AMD1: variants seen among roughly 807,000 people sequenced by gnomAD.
AMD1 encodes adenosylmethionine decarboxylase 1.
Under a neutral mutation model 40.2 loss-of-function variants are expected in AMD1, and 11 were observed. The observed-to-expected ratio is 0.27, with a 90% confidence interval of 0.17 to 0.45. The LOEUF (loss-of-function observed/expected upper bound fraction) is 0.45, where lower values mean the gene tolerates loss of function less well. Ranked by LOEUF, AMD1 falls within the 20% of genes least tolerant of loss-of-function variation. AMD1 has a pLI of 1.00. For missense variants in AMD1, 257 were observed against 410.2 expected (o/e 0.63, Z 3.23); for synonymous variants, 121 against 130.8 (o/e 0.93, Z 0.51).
intron 1 of AMD1, among the ~76,000 whole-genome samples, chr6:110,876,042 C>T (rs2115269125): frequency 6.6e-6 from 1 of 152,326 alleles, no homozygotes; most frequent in East Asian, 1.9e-4. Flanking sequence ...GAGGGAGGCC[C>T]GCCTGCCCCA....
chr6:110,883,178 C>T (rs925292475), intron 1 of AMD1, among the ~76,000 whole-genome samples: 2 of 152,212 alleles, frequency 1.3e-5, no homozygotes, highest in African/African-American at 2.4e-5. Flanking sequence ...ACTGTCTTCT[C>T]TTATTAAAAT....
the AMD1 span, among the ~76,000 whole-genome samples, chr6:110,824,448 T>G: frequency 6.6e-6 from 1 of 152,178 alleles, no homozygotes; most frequent in Non-Finnish European, 1.5e-5. Flanking sequence ...GATTAAGAGA[T>G]AAAAAATGAC....
At chr6:110,862,330 GTTT>G in the AMD1 span, among the ~76,000 whole-genome samples, 1 of 102,810 alleles carries the variant, frequency 9.7e-6, no homozygotes, top group Admixed American at 9.4e-5. Flanking sequence ...TGATTGTTCT[GTTT>G]TTTTTTTTTT....
chr6:110,865,815 T>C, the AMD1 span, among the ~76,000 whole-genome samples: 3 of 151,632 alleles, frequency 2.0e-5, no homozygotes, highest in African/African-American at 4.8e-5. Flanking sequence ...CAGGCTAGAG[T>C]GCAGTGGTGC....
chr6:110,841,155 A>G, the AMD1 span, among the ~76,000 whole-genome samples: 1 of 152,232 alleles, frequency 6.6e-6, no homozygotes, highest in Non-Finnish European at 1.5e-5. Flanking sequence ...CTGGGATTAC[A>G]GGCATCTGCC....
chr6:110,866,818 T>C, the AMD1 span, among the ~76,000 whole-genome samples: 1 of 143,626 alleles, frequency 7.0e-6, no homozygotes, highest in East Asian at 2.0e-4. Flanking sequence ...CAACACTTTC[T>C]TTTTTTTTTT....
At chr6:110,837,423 A>G in the AMD1 span, among the ~76,000 whole-genome samples, 1 of 151,726 alleles carries the variant, frequency 6.6e-6, no homozygotes, top group African/African-American at 2.4e-5. Context: ...TACATAAAAT[A>G]TTCTTGGATG....
the AMD1 span, among the ~76,000 whole-genome samples, chr6:110,816,401 C>T: frequency 6.6e-6 from 1 of 152,220 alleles, no homozygotes; most frequent in Non-Finnish European, 1.5e-5. Flanking sequence ...GCTCAGGACA[C>T]ACTACCCCAA....
the AMD1 span, among the ~76,000 whole-genome samples, chr6:110,822,795 G>A: frequency 6.6e-6 from 1 of 152,144 alleles, no homozygotes; most frequent in African/African-American, 2.4e-5. Flanking sequence ...GTCAATAGAT[G>A]TGATTCACCA....
chr6:110,862,668 C>T, the AMD1 span, among the ~76,000 whole-genome samples: 17 of 151,764 alleles, frequency 1.1e-4, no homozygotes, highest in Non-Finnish European at 1.9e-4. Context: ...TGAGGTTTCA[C>T]CAAGTTGGCC....
the AMD1 span, among the ~76,000 whole-genome samples, chr6:110,843,919 T>C: frequency 2.6e-5 from 4 of 152,178 alleles, no homozygotes; most frequent in Admixed American, 1.3e-4. Context: ...TTTGGGATTA[T>C]ATTGGGCCTC....
chr6:110,814,875 C>G, the AMD1 span: 12 of 1,221,420 alleles, frequency 9.8e-6, no homozygotes, highest in Admixed American at 1.8e-4. Context: ...GAGTCGGTGT[C>G]CGGACGCAAC....
the AMD1 span, chr6:110,863,781 A>G: frequency 1.8e-3 from 545 of 295,892 alleles, 2 homozygotes; most frequent in African/African-American, 0.011. Flanking sequence ...TTCCCATAAC[A>G]CTTGACTTAA....
At chr6:110,868,370 T>C in the AMD1 span, among the ~76,000 whole-genome samples, 18 of 152,030 alleles carry the variant, frequency 1.2e-4, no homozygotes, top group Non-Finnish European at 2.5e-4. Context: ...AGAGTGGTCT[T>C]GATCTCCTGA....
intron 3 of AMD1, 99 bp downstream of exon 3, chr6:110,889,082 T>G (rs1443734619): frequency 3.5e-6 from 5 of 1,419,120 alleles, no homozygotes; most frequent in Non-Finnish European, 4.7e-6. Context: ...ACTGCCTTTG[T>G]TACAATGCAT....
At chr6:110,859,372 G>A in the AMD1 span, among the ~76,000 whole-genome samples, 1 of 152,018 alleles carries the variant, frequency 6.6e-6, no homozygotes, top group Non-Finnish European at 1.5e-5. Context: ...ATCCCCATAC[G>A]TGTAGGGTAA....
In AMD1 at chr6:110,892,330, C is replaced by T. The variant is rs1786070826; in HGVS notation, c.502C>T (p.Arg168Trp). ...YLYTLDFPES[R>W]VISQPDQTLE... ...ATATACTCTGGATTTCCCAGAGAGT[C>T]GGGTAATCAGTCAGCCAGATCAAAC... is the stretch of plus-strand genomic sequence containing the variant. The change falls in exon 6 of 9, where the codon CGG (arginine) becomes TGG (tryptophan). Residue 168 changes from arginine (R) to tryptophan (W), a missense_variant. By Grantham distance (101) the Arg-to-Trp change is moderately radical. Coordinates refer to ENST00000368885, the MANE Select transcript of AMD1 (RefSeq NM_001634.6). The T allele has an allele frequency of 3.7e-6, 6 of 1,613,546 alleles. No homozygotes were observed. Among genetic ancestry groups the T allele is most frequent in the Non-Finnish European group, 5.1e-6 (6 of 1,180,018 alleles).
At chr6:110,819,080 G>A in the AMD1 span, among the ~76,000 whole-genome samples, 6 of 152,258 alleles carry the variant, frequency 3.9e-5, no homozygotes, top group Middle Eastern at 3.4e-3. Flanking sequence ...GATCTGGGCC[G>A]GGTGCAGTGG....
rs1785013067 is a variant in AMD1 at position 110,874,876 on chromosome 6, G to T, written c.-230G>T. 2 of 531,276 alleles carry T rather than the reference G, an allele frequency of 3.8e-6. No homozygotes were observed. Among genetic ancestry groups the T allele is most frequent in the Admixed American group, 3.2e-5 (1 of 31,156 alleles). 32.9% of individuals were successfully genotyped at this position (531,276 alleles called of 1,614,324 possible). A position where few individuals can be genotyped will look rare whatever the true frequency, so the allele number is the denominator to read the frequency against. The stretch of plus-strand genomic sequence containing the variant: ...GAATACAAGAGACTGAACTGTATCT[G>T]CCTCTATTTCCAAAAGACTCACGTT... On this transcript the variant is annotated 5_prime_UTR_variant, in exon 1 of 9. Coordinates refer to ENST00000368885, the MANE Select transcript of AMD1 (RefSeq NM_001634.6).
Sources: gnomAD v4.1 joint callset for allele counts (sites outside exome capture counted in the v4.1 genomes callset) on GRCh38, gnomAD v4.1.1 for gene constraint, MANE v1.5 for transcripts, NCBI Gene and HGNC (gene_info 2026-07-23, HGNC 2026-07-21) for gene names.